The following RWDD3 variants were observed in gnomAD, a reference collection of about 807,000 sequenced individuals.
RWDD3 encodes RWD domain containing 3.
RWDD3 carries 30 observed loss-of-function variants against 26.5 expected under a neutral mutation model. The observed-to-expected ratio is 1.13, with a 90% CI of 0.85 to 1.54. The LOEUF (loss-of-function observed/expected upper bound fraction) is 1.54. Ranked by LOEUF, RWDD3 falls within the 40% of genes most tolerant of loss-of-function variation. RWDD3 has a pLI of 0.00. For synonymous variants in RWDD3, 113 were observed against 114.5 expected (o/e 0.99, Z 0.09); for missense variants, 296 against 309.1 (o/e 0.96, Z 0.32).
At position 95,234,241 on chromosome 1, in the gene RWDD3, C is replaced by T. The variant is rs756426472; in HGVS notation, c.11C>T (p.Pro4Leu). 4 of 1,591,716 alleles carry T rather than the reference C, an allele frequency of 2.5e-6. No individual in the cohort carries two copies. The highest frequency in any genetic ancestry group is 2.3e-5 in the South Asian group (2 of 87,448). ...GTGGGGCCCACAGCCATGGCGGAGC[C>T]TGTGCAGGAGGAGCTCTCGGTCCTG... MAEPVQEELSVLAA... is the reference protein window; with the variant it reads MAELVQEELSVLAA... Residue 4 changes from proline to leucine, a missense_variant, in exon 1 of 4, where the codon CCT becomes CTT. By Grantham distance (98) the Pro-to-Leu change is moderately conservative. Coordinates refer to ENST00000370202, the MANE Select transcript of RWDD3 (RefSeq NM_015485.5).
intron 1 of RWDD3, chr1:95,239,832 T>C (rs879923581): frequency 7.4e-5 from 96 of 1,289,554 alleles, no homozygotes; most frequent in Middle Eastern, 4.2e-4. Flanking sequence ...CATGGCTGGC[T>C]CAGTAGCTTT....
intron 1 of RWDD3, among the ~76,000 whole-genome samples, chr1:95,239,322 A>G (rs1271235253): frequency 6.6e-6 from 1 of 152,128 alleles, no homozygotes; most frequent in African/African-American, 2.4e-5. Context: ...TTATTATGGC[A>G]AAAAAAGAAA....
chr1:95,241,894 C>T (rs1024478746), intron 1 of RWDD3, among the ~76,000 whole-genome samples: 1 of 152,156 alleles, frequency 6.6e-6, no homozygotes, highest in African/African-American at 2.4e-5. Flanking sequence ...AGTCATGCAC[C>T]CACAGATAAT....
At chr1:95,246,730 T>TTGTA (rs1199577495) in intron 3 of RWDD3, 26 bp from the exon 4 acceptor site, 1 of 1,537,268 alleles carries the variant, frequency 6.5e-7, no homozygotes, top group Non-Finnish European at 8.8e-7. Context: ...CTAGGCATAT[T>TTGTA]CATGAGTTTC....
At chr1:95,239,637 A>G (rs1680521317) in intron 1 of RWDD3, 1 of 677,366 alleles carries the variant, frequency 1.5e-6, no homozygotes, top group Non-Finnish European at 2.1e-6. Flanking sequence ...ACCAAGACCA[A>G]TTAGGAAGAA....
intron 1 of RWDD3, among the ~76,000 whole-genome samples, chr1:95,240,316 G>GT (rs1680560632): frequency 1.3e-5 from 2 of 152,134 alleles, no homozygotes; most frequent in South Asian, 2.1e-4. Flanking sequence ...CAATTTAAAA[G>GT]TTTTTTGTAT....
Position 95,244,511 on chromosome 1 carries a change from T to C in RWDD3, c.386T>C (p.Phe129Ser), listed in dbSNP as rs1680768446. The C allele has an allele frequency of 6.2e-7, 1 of 1,614,078 alleles. No homozygotes were observed. Among genetic ancestry groups the C allele is most frequent in the Admixed American group, 1.7e-5 (1 of 59,998 alleles). The change falls in exon 2 of 4, where the codon TTT becomes TCT. Residue 129 changes from phenylalanine (F) to serine (S), a missense_variant. Coordinates refer to ENST00000370202, the MANE Select transcript of RWDD3 (RefSeq NM_015485.5). Reference protein sequence around the residue: ...ETGSGSEKCTFSTSTTMDDGL... With the variant: ...ETGSGSEKCTSSTSTTMDDGL... ...GGCAGTGGCAGTGAAAAGTGTACTT[T>C]TTCAACAAGCACGACCATGGATGAT...
chr1:95,242,666 C>G (rs1056902493), intron 1 of RWDD3, among the ~76,000 whole-genome samples: 1 of 152,090 alleles, frequency 6.6e-6, no homozygotes, highest in East Asian at 1.9e-4. Flanking sequence ...TGCCTGTAAT[C>G]CCAGCACTTT....
intron 1 of RWDD3, chr1:95,243,348 A>C (rs577371117): frequency 6.6e-6 from 1 of 152,238 alleles, no homozygotes; most frequent in Non-Finnish European, 1.5e-5. Flanking sequence ...TGCTTCTCTC[A>C]TGCAGGGGAA....
At chr1:95,246,501 CAG>C (rs1490323817) in intron 2 of RWDD3, 39 bp from the exon 3 acceptor site, 1 of 1,022,484 alleles carries the variant, frequency 9.8e-7, no homozygotes, top group Non-Finnish European at 1.5e-6. Flanking sequence ...CTTTGAGACT[CAG>C]AGTAAGATAT....
chr1:95,242,966 A>T (rs1220252308), intron 1 of RWDD3, among the ~76,000 whole-genome samples: 1 of 152,154 alleles, frequency 6.6e-6, no homozygotes, highest in Non-Finnish European at 1.5e-5. Context: ...GGGTTTTGAG[A>T]AACATGATGG....
intron 1 of RWDD3, among the ~76,000 whole-genome samples, chr1:95,234,577 C>G (rs891806483): frequency 3.3e-5 from 5 of 152,014 alleles, no homozygotes; most frequent in Admixed American, 2.6e-4. Context: ...GCCGGGGGCC[C>G]CTGCGTGCGC....
Position 95,246,852 on chromosome 1 carries a change from A to C in RWDD3, c.786A>C (p.Val262=). The change falls in exon 4 of 4, where the codon GTA becomes GTC. Residue 262 remains valine (V), a synonymous_variant. Transcript: ENST00000370202. ...TTAAGAAGCTTTTCTCCGAATTTGT[A>C]CTTGCTCTGGTAAAATGAAATGGAA... ...AGLKKLFSEF[V]LALVK 6.5e-7 allele frequency: 1 copy of C among 1,541,078 alleles called. No individual in the cohort carries two copies. Among genetic ancestry groups the C allele is most frequent in the Non-Finnish European group, 8.7e-7 (1 of 1,147,608 alleles).
chr1:95,237,757 A>G (rs923621400), intron 1 of RWDD3, among the ~76,000 whole-genome samples: 5 of 152,202 alleles, frequency 3.3e-5, no homozygotes, highest in African/African-American at 1.2e-4. Context: ...CTTGAAATGC[A>G]TCTTACTTGA....
chr1:95,236,536 A>G (rs902333859), intron 1 of RWDD3, among the ~76,000 whole-genome samples: 2 of 152,130 alleles, frequency 1.3e-5, no homozygotes, highest in Non-Finnish European at 2.9e-5. Flanking sequence ...TATTAGTGTA[A>G]TGGAGTTGCT....
chr1:95,236,409 A>G (rs902850276), intron 1 of RWDD3, among the ~76,000 whole-genome samples: 1 of 151,996 alleles, frequency 6.6e-6, no homozygotes, highest in African/African-American at 2.4e-5. Context: ...CCTTCATGAT[A>G]TCCATTGGGT....
rs201731120 is a variant in RWDD3 at position 95,244,675 on chromosome 1, C to T, written c.550C>T (p.Gln184Ter). The change falls in exon 2 of 4, where the codon CAG becomes TAG. Residue 184 changes from glutamine to a stop codon, truncating the protein, a stop_gained. Coordinates refer to ENST00000370202, the MANE Select transcript of RWDD3 (RefSeq NM_015485.5). LOFTEE classifies it high-confidence loss of function. ...GGGTAAAATAATACTGATTTTACTA[C>T]AGGGAGACAGAAACAACCTCAAGGT... ...FMGKIILILLQGDRNNLKEYL... is the reference protein window; with the variant it reads ...FMGKIILILL The T allele has an allele frequency of 6.2e-7, 1 of 1,613,196 alleles. No homozygotes were observed. The highest frequency in any genetic ancestry group is 8.5e-7 in the Non-Finnish European group (1 of 1,179,704).
chr1:95,244,910 C>T lies in RWDD3; in HGVS notation c.573+212C>T, dbSNP rs1439172955. On this transcript the variant is annotated intron_variant, in intron 2 of 3. Coordinates refer to ENST00000370202, the MANE Select transcript of RWDD3 (RefSeq NM_015485.5). The stretch of plus-strand genomic sequence containing the variant: ...TTGCAAAGCTTGAAGAATAAGATTG[C>T]ATTTTAAAAATCATGTCACTTAATA... 7.5e-6 allele frequency: 4 copies of T among 532,732 alleles called. No homozygotes were observed. The African/African-American group carries it at 7.7e-5, about 10-fold the overall frequency. 33.0% of individuals were successfully genotyped at this position (532,732 alleles called of 1,614,324 possible).
intron 2 of RWDD3, chr1:95,246,224 CCTG>C (rs1680847184): frequency 4.9e-6 from 1 of 202,984 alleles, no homozygotes. Context: ...TGAGGTAGAT[CCTG>C]CTATTAATTC....
Sources: gnomAD v4.1 joint callset for allele counts (sites outside exome capture counted in the v4.1 genomes callset) on GRCh38, gnomAD v4.1.1 for gene constraint, MANE v1.5 for transcripts, NCBI Gene and HGNC (gene_info 2026-07-23, HGNC 2026-07-21) for gene names.